The following CMTM4 variants were observed in gnomAD, a reference collection of about 807,000 sequenced individuals.
CMTM4 encodes CKLF-like MARVEL transmembrane domain-containing protein 4.
CMTM4 carries 8 observed loss-of-function variants against 19.0 expected under a neutral mutation model. The ratio of observed to expected loss-of-function variants is 0.42; its 90% CI spans 0.25 to 0.76. The LOEUF is 0.76. Ranked by LOEUF, CMTM4 falls within the 30% of genes least tolerant of loss-of-function variation. CMTM4 has a pLI of 0.27. For synonymous variants in CMTM4, 106 were observed against 121.1 expected (o/e 0.88, Z 0.82); for missense variants, 228 against 290.2 (o/e 0.79, Z 1.56).
At chr16:66,685,889 T>C (rs2017021798) in intron 1 of CMTM4, among the ~76,000 whole-genome samples, 1 of 152,088 alleles carries the variant, frequency 6.6e-6, no homozygotes. Flanking sequence ...AGGCAATCTG[T>C]CCACCTCGGC....
rs945354521 is a variant in CMTM4, at chr16:66,691,138, C to T, written c.186+5202G>A. On this transcript the variant is annotated intron_variant, in intron 1 of 3. Coordinates refer to ENST00000394106, the MANE Select transcript of CMTM4 (RefSeq NM_181521.3). ...GTCTTAAAAAAAAAATTCCTATTAC[C>T]CATCTTTTGTTATTAAAAAGTCCTA... is the stretch of plus-strand genomic sequence containing the variant. 2.6e-5 allele frequency among the ~76,000 whole-genome samples: 4 copies of T among 152,030 alleles called. No homozygotes were observed. In the East Asian group the frequency reaches 7.7e-4, roughly 29 times the overall value.
chr16:66,619,696 C>T lies in CMTM4; in HGVS notation c.*2362G>A. 1.0e-6 allele frequency: 1 copy of T among 985,380 alleles called. No individual in the cohort carries two copies. The highest frequency in any genetic ancestry group is 4.7e-5 in the South Asian group (1 of 21,288). 61.0% of individuals were successfully genotyped at this position (985,380 alleles called of 1,614,324 possible). A position where few individuals can be genotyped will look rare whatever the true frequency, so the allele number is the denominator to read the frequency against. ...GGTCTATACATGATGACATGTGCAA[C>T]CACACATTACATCAACTAGAAAGCG... is the stretch of plus-strand genomic sequence containing the variant. On this transcript the variant is annotated 3_prime_UTR_variant, in exon 4 of 4. Transcript: ENST00000394106.
At chr16:66,690,647 A>G (rs76165921) in intron 1 of CMTM4, among the ~76,000 whole-genome samples, 6,234 of 152,270 alleles carry the variant, frequency 0.041, 175 homozygotes, top group Middle Eastern at 0.12. Flanking sequence ...AAATACTCAC[A>G]TTTGTTTTTG....
At chr16:66,601,619 G>A in the CMTM4 span, among the ~76,000 whole-genome samples, 2 of 152,232 alleles carry the variant, frequency 1.3e-5, no homozygotes, top group African/African-American at 4.8e-5. Flanking sequence ...GCCCAAAGGT[G>A]GGGCCTCAAT....
At chr16:66,681,631 G>A (rs1040298689) in intron 1 of CMTM4, among the ~76,000 whole-genome samples, 1 of 152,076 alleles carries the variant, frequency 6.6e-6, no homozygotes, top group African/African-American at 2.4e-5. Context: ...AAAATCCAGG[G>A]TGTATTTTGT....
Position 66,618,704 on chromosome 16 carries a change from A to C in CMTM4, c.*3354T>G. On this transcript the variant is annotated 3_prime_UTR_variant, in exon 4 of 4. Transcript: ENST00000394106. Reference sequence around the variant, plus strand: ...TAACCCAAGGCTGACTCACTAGGACAGCTTCCAAGAACCACAGATGTAACT... The same window carrying C: ...TAACCCAAGGCTGACTCACTAGGACCGCTTCCAAGAACCACAGATGTAACT... 1 of 985,524 alleles carries C rather than the reference A, an allele frequency of 1.0e-6. No homozygotes were observed. Among genetic ancestry groups the C allele is most frequent in the Non-Finnish European group, 1.2e-6 (1 of 829,962 alleles). 61.0% of individuals were successfully genotyped at this position (985,524 alleles called of 1,614,324 possible).
chr16:66,657,802 G>T (rs2016425574), intron 1 of CMTM4, among the ~76,000 whole-genome samples: 1 of 152,152 alleles, frequency 6.6e-6, no homozygotes, highest in Non-Finnish European at 1.5e-5. Flanking sequence ...TGAAGGAAAA[G>T]AATCAAAAGA....
chr16:66,599,262 C>T, the CMTM4 span, among the ~76,000 whole-genome samples: 1 of 152,018 alleles, frequency 6.6e-6, no homozygotes, highest in Admixed American at 6.6e-5. Context: ...TGCACTCCAG[C>T]CTCAGCAACA....
chr16:66,622,241 A>G lies in CMTM4; in HGVS notation c.463-19T>C, dbSNP rs753651809. On this transcript the variant is annotated intron_variant, in intron 3 of 3. Transcript: ENST00000394106. The surrounding 1 kb of genome is among the most constrained non-coding windows in gnomAD (Gnocchi z 4.0). ...CAAATATCTAAAAACACACCAGCAC[A>G]GTTAGTCCTCGGGCACGTGGCCTGG... 2.5e-6 allele frequency: 4 copies of G among 1,612,280 alleles called. No homozygotes were observed. Among genetic ancestry groups the G allele is most frequent in the Non-Finnish European group, 2.5e-6 (3 of 1,179,292 alleles).
intron 1 of CMTM4, among the ~76,000 whole-genome samples, chr16:66,668,039 G>A (rs913242905): frequency 6.6e-6 from 1 of 151,938 alleles, no homozygotes; most frequent in Non-Finnish European, 1.5e-5. Flanking sequence ...GGGTCTCACT[G>A]TCACCCAGGT....
At chr16:66,688,657 T>A (rs1431945848) in intron 1 of CMTM4, among the ~76,000 whole-genome samples, 2 of 152,182 alleles carry the variant, frequency 1.3e-5, no homozygotes, top group East Asian at 3.9e-4. Context: ...AAGTTTAGAA[T>A]CAGCATTCTT....
In CMTM4 at chr16:66,620,263, C is replaced by T; in HGVS notation, c.*1795G>A. 2 of 985,426 alleles carry T rather than the reference C, an allele frequency of 2.0e-6. No individual in the cohort carries two copies. The highest frequency in any genetic ancestry group is 2.4e-6 in the Non-Finnish European group (2 of 829,928). 61.0% of individuals were successfully genotyped at this position (985,426 alleles called of 1,614,324 possible). ...ATAAGCCCAATTTTGACTTTGCAAA[C>T]ACACTCAACAGACCTGACAGGCAGC... On this transcript the variant is annotated 3_prime_UTR_variant, in exon 4 of 4. Transcript: ENST00000394106.
intron 1 of CMTM4, among the ~76,000 whole-genome samples, chr16:66,649,106 G>C (rs1430927498): frequency 6.6e-6 from 1 of 152,236 alleles, no homozygotes; most frequent in African/African-American, 2.4e-5. Flanking sequence ...AGGAGGCCTA[G>C]GCAGGAGGAT....
intron 1 of CMTM4, among the ~76,000 whole-genome samples, chr16:66,681,787 C>T (rs1216731029): frequency 6.6e-6 from 1 of 152,128 alleles, no homozygotes; most frequent in Admixed American, 6.5e-5. Context: ...CTCATCTTGC[C>T]CCATTTGTCA....
the CMTM4 span, chr16:66,604,645 G>C: frequency 7.9e-6 from 4 of 505,098 alleles, no homozygotes; most frequent in Non-Finnish European, 1.2e-5. Flanking sequence ...GGGCGGGCTG[G>C]AGGAGCGGGT....
intron 1 of CMTM4, among the ~76,000 whole-genome samples, chr16:66,637,100 A>G (rs891207037): frequency 6.6e-6 from 1 of 152,190 alleles, no homozygotes; most frequent in Admixed American, 6.5e-5. Flanking sequence ...GCTTTAAAAC[A>G]ATGATTGGTA....
intron 1 of CMTM4, among the ~76,000 whole-genome samples, chr16:66,641,192 A>G (rs2016092640): frequency 6.6e-6 from 1 of 152,116 alleles, no homozygotes; most frequent in Non-Finnish European, 1.5e-5. Context: ...CTACAGGGGC[A>G]CACCACCATG....
rs182547513 is a variant in CMTM4, at chr16:66,623,454, T to C, written c.412A>G (p.Ile138Val). 5.7e-5 allele frequency: 92 copies of C among 1,613,912 alleles called. No homozygotes were observed. The highest frequency in any genetic ancestry group is 7.4e-5 in the Non-Finnish European group (87 of 1,179,948). Residue 138 changes from isoleucine (I) to valine (V), a missense_variant, in exon 3 of 4, where the codon ATC becomes GTC. Ile to Val is a conservative substitution (Grantham distance 29). This residue lies in a region of CMTM4 where 200 missense variants were observed against 226.6 expected (regional missense o/e 0.88). Coordinates refer to ENST00000394106, the MANE Select transcript of CMTM4 (RefSeq NM_181521.3). ...LSAFLFFIAS[I>V]VLAALNHRAG... ...CTATGGTTTAAAGCAGCCAGTACGA[T>C]TGAAGCAATAAAGAAAAGGAAAGCG...
downstream of CMTM4, chr16:66,612,491 C>A: frequency 1.0e-6 from 1 of 999,048 alleles, no homozygotes; most frequent in Non-Finnish European, 1.5e-6. This position sits in a 1 kb window ranked among gnomAD's most constrained non-coding sequence, Gnocchi z 6.0. Flanking sequence ...GTAGAGTCAG[C>A]TGCAGGAGGC....
Sources: allele counts gnomAD v4.1 joint callset (sites outside exome capture counted in the v4.1 genomes callset), GRCh38; gene constraint gnomAD v4.1.1; regional missense constraint gnomAD v4.1.1; non-coding constraint Gnocchi (gnomAD v3.1); transcripts MANE v1.5; gene names NCBI Gene and HGNC (gene_info 2026-07-23, HGNC 2026-07-21).